DLGAP2: variants seen among roughly 807,000 people sequenced by gnomAD.
DLGAP2 encodes disks large-associated protein 2.
In DLGAP2, 26 loss-of-function variants were observed where a neutral mutation model predicts 100.3. That is an observed-to-expected ratio of 0.26 (90% CI 0.19 to 0.36). The LOEUF is 0.36. DLGAP2 is among the 10% of genes least tolerant of loss of function. The probability of loss-of-function intolerance (pLI) is 1.00; values close to 1 mark genes in which losing one functional copy is unlikely to be tolerated. For missense variants in DLGAP2, 1,858 were observed against 1,453.2 expected (o/e 1.28, Z -4.53); for synonymous variants, 886 against 630.1 (o/e 1.41, Z -6.08).
At chr8:948,591 G>C (rs1799392940) in intron 2 of DLGAP2, among the ~76,000 whole-genome samples, 1 of 152,256 alleles carries the variant, frequency 6.6e-6, no homozygotes, top group African/African-American at 2.4e-5. Context: ...AGTAAGCGGT[G>C]ACAGTGGGTT....
At chr8:1,571,419 G>GA (rs1802672844) in intron 6 of DLGAP2, among the ~76,000 whole-genome samples, 1 of 144,060 alleles carries the variant, frequency 6.9e-6, no homozygotes, top group East Asian at 2.2e-4. Context: ...GAGGAGAGAG[G>GA]GTGAATTGTG....
chr8:1,568,082 A>G lies in DLGAP2; in HGVS notation c.1442+2188A>G, dbSNP rs185631106. 8.8e-4 allele frequency among the ~76,000 whole-genome samples: 133 copies of G among 150,884 alleles called. No homozygotes were observed. The Middle Eastern group carries it at 0.01, about 12-fold the overall frequency. The stretch of plus-strand genomic sequence containing the variant: ...CCATGCCACTGCCCACTCAGCAGAC[A>G]CAAATCCGTCTCTGCCTGTGGCCCC... On this transcript the variant is annotated intron_variant, in intron 6 of 14. Transcript: ENST00000637795.
intron 6 of DLGAP2, among the ~76,000 whole-genome samples, chr8:1,600,547 A>C (rs963333796): frequency 6.6e-5 from 10 of 152,010 alleles, no homozygotes; most frequent in Admixed American, 3.3e-4. Context: ...ATTGTCCCAT[A>C]TTTCTTGGAG....
chr8:1,039,997 A>C (rs1283112270), intron 2 of DLGAP2, among the ~76,000 whole-genome samples: 5 of 43,818 alleles, frequency 1.1e-4, no homozygotes, highest in African/African-American at 4.3e-4. Context: ...TGGTCTGCTC[A>C]GTTTCCGTGG....
At chr8:1,653,379 C>T (rs9694421) in intron 8 of DLGAP2, among the ~76,000 whole-genome samples, 24,660 of 152,180 alleles carry the variant, frequency 0.16, 2,097 homozygotes, top group South Asian at 0.33. Context: ...CTTCCTGTGG[C>T]GGGGCCAGAA....
At chr8:1,413,737 C>T (rs1360298646) in intron 3 of DLGAP2, among the ~76,000 whole-genome samples, 1 of 152,224 alleles carries the variant, frequency 6.6e-6, no homozygotes, top group Non-Finnish European at 1.5e-5. Context: ...GTATGTAGCT[C>T]TTCTGCAGGT....
chr8:1,303,026 C>T (rs926542569), intron 3 of DLGAP2, among the ~76,000 whole-genome samples: 10 of 152,194 alleles, frequency 6.6e-5, no homozygotes, highest in African/African-American at 2.4e-4. Context: ...TTCGTAAGGA[C>T]ACAGATGGTT....
intron 2 of DLGAP2, among the ~76,000 whole-genome samples, chr8:1,102,231 A>G (rs1179216563): frequency 6.8e-6 from 1 of 147,980 alleles, no homozygotes; most frequent in East Asian, 2.0e-4. Flanking sequence ...ATATAGATTC[A>G]AGCTTTTACT....
intron 3 of DLGAP2, among the ~76,000 whole-genome samples, chr8:1,292,463 A>C (rs1482429123): frequency 1.3e-5 from 2 of 152,204 alleles, no homozygotes; most frequent in East Asian, 3.8e-4. Context: ...TGTGTGATCA[A>C]CTTGACTTCT....
chr8:931,852 A>G (rs1321374840), intron 2 of DLGAP2, among the ~76,000 whole-genome samples: 1 of 152,192 alleles, frequency 6.6e-6, no homozygotes, highest in Non-Finnish European at 1.5e-5. Flanking sequence ...AACATAATGT[A>G]TGTAAAACCC....
At chr8:1,204,236 G>A (rs903455682) in intron 2 of DLGAP2, among the ~76,000 whole-genome samples, 4 of 152,236 alleles carry the variant, frequency 2.6e-5, no homozygotes, top group Non-Finnish European at 5.9e-5. Context: ...TGTGCCCTGC[G>A]CTGTGTTAGA....
At position 1,632,056 on chromosome 8, in the gene DLGAP2, C is replaced by G. The variant is rs183913784; in HGVS notation, c.1591-771C>G. 6.1e-5 allele frequency among the ~76,000 whole-genome samples: 9 copies of G among 148,684 alleles called. No homozygotes were observed. The East Asian group carries it at 1.6e-3, about 26-fold the overall frequency. ...CAGGAGAAACAAGAAGAGAAATAAT[C>G]TGAATGGGAGGGGGTGAGGGGAGAA... On this transcript the variant is annotated intron_variant, in intron 7 of 14. Coordinates refer to ENST00000637795, the MANE Select transcript of DLGAP2 (RefSeq NM_001346810.2).
intron 1 of DLGAP2, among the ~76,000 whole-genome samples, chr8:800,695 T>C (rs1364293660): frequency 6.6e-6 from 1 of 152,178 alleles, no homozygotes; most frequent in Non-Finnish European, 1.5e-5. Context: ...TGTGCATGTG[T>C]GCATGTGTGT....
intron 2 of DLGAP2, among the ~76,000 whole-genome samples, chr8:1,255,027 T>TTCTCCTGCCCGGCCGCTGTGTGTGTGTCC (rs1563043412): frequency 1.4e-4 from 7 of 51,352 alleles, no homozygotes; most frequent in African/African-American, 3.4e-4. Context: ...TGTGTGTGTC[T>TTCTCCTGCCCGGCCGCTGTGTGTGTGTCC]TCTCCTGCCC....
chr8:907,781 G>A lies in DLGAP2; in HGVS notation c.19-131G>A, dbSNP rs1167381512. ...TTTTCTGTACCGTTTAATTTGTTAG[G>A]CCTTTCTGGGCACGCTGACTTTGTG... On this transcript the variant is annotated intron_variant, in intron 1 of 14. Coordinates refer to ENST00000637795, the MANE Select transcript of DLGAP2 (RefSeq NM_001346810.2). 2.3e-5 allele frequency: 9 copies of A among 392,832 alleles called. 1 individual carries two copies. Among genetic ancestry groups the A allele is most frequent in the Non-Finnish European group, 3.1e-5 (7 of 222,898 alleles). The allele number at this position is 392,832 out of a possible 1,614,324, so 24.3% of individuals were successfully genotyped here.
At chr8:1,271,449 A>G (rs568698011) in intron 3 of DLGAP2, among the ~76,000 whole-genome samples, 1 of 152,276 alleles carries the variant, frequency 6.6e-6, no homozygotes, top group East Asian at 1.9e-4. Context: ...GCATTTGTTG[A>G]TTATTCACTT....
intron 3 of DLGAP2, among the ~76,000 whole-genome samples, chr8:1,495,679 C>T (rs548525271): frequency 1.6e-4 from 24 of 151,970 alleles, no homozygotes; most frequent in Non-Finnish European, 3.5e-4. Context: ...GACATCTTTG[C>T]CTCGCAGGAT....
chr8:1,326,765 A>G (rs1306370574), intron 3 of DLGAP2, among the ~76,000 whole-genome samples: 2 of 152,236 alleles, frequency 1.3e-5, no homozygotes, highest in East Asian at 3.8e-4. Flanking sequence ...AACTGGAGAG[A>G]CTAAGTTCAC....
intron 5 of DLGAP2, chr8:1,565,392 A>C (rs1244731997): frequency 3.0e-6 from 1 of 329,898 alleles, no homozygotes; most frequent in Non-Finnish European, 5.4e-6. Flanking sequence ...AATTTTAGCC[A>C]GTGCTTTGTC....
Sources: allele counts gnomAD v4.1 joint callset (sites outside exome capture counted in the v4.1 genomes callset), GRCh38; gene constraint gnomAD v4.1.1; transcripts MANE v1.5; gene names NCBI Gene and HGNC (gene_info 2026-07-23, HGNC 2026-07-21).